The following EPHB1 variants were observed in gnomAD, a reference collection of about 807,000 sequenced individuals.
EPHB1 encodes EPH receptor B1.
A neutral mutation model predicts 94.4 loss-of-function variants in EPHB1; 30 were observed. That is an observed-to-expected ratio of 0.32 (90% confidence interval 0.24 to 0.43). The LOEUF (loss-of-function observed/expected upper bound fraction) is 0.43, where lower values mean the gene tolerates loss of function less well. Ranked by LOEUF, EPHB1 falls within the 20% of genes least tolerant of loss-of-function variation. The probability of loss-of-function intolerance (pLI) is 1.00; values close to 1 mark genes in which losing one functional copy is unlikely to be tolerated. For synonymous variants in EPHB1, 522 were observed against 489.1 expected (o/e 1.07, Z -0.89); for missense variants, 1,055 against 1,308.3 (o/e 0.81, Z 2.99).
At chr3:134,804,048 C>A (rs949447024) in intron 1 of EPHB1, among the ~76,000 whole-genome samples, 2 of 143,772 alleles carry the variant, frequency 1.4e-5, no homozygotes, top group Non-Finnish European at 3.0e-5. Context: ...CGAGTCAGAC[C>A]CCCACTGTGG....
intron 3 of EPHB1, among the ~76,000 whole-genome samples, chr3:135,011,831 C>G (rs950053758): frequency 3.3e-5 from 5 of 152,208 alleles, no homozygotes; most frequent in Non-Finnish European, 7.3e-5. Flanking sequence ...GCATTTTCTA[C>G]TAGGTGGTTT....
At chr3:135,014,631 C>G (rs1935732130) in intron 3 of EPHB1, among the ~76,000 whole-genome samples, 1 of 152,188 alleles carries the variant, frequency 6.6e-6, no homozygotes, top group Admixed American at 6.5e-5. Flanking sequence ...AACATGTGTC[C>G]TTGTGGGGCT....
chr3:134,864,704 A>G lies in EPHB1; in HGVS notation c.59-61112A>G, dbSNP rs1220671305. Among the ~76,000 whole-genome samples the G allele has an allele frequency of 2.0e-5, 3 of 152,240 alleles. No individual in the cohort carries two copies. The East Asian group carries it at 5.8e-4, about 29-fold the overall frequency. On this transcript the variant is annotated intron_variant, in intron 1 of 15. Transcript: ENST00000398015. The stretch of plus-strand genomic sequence containing the variant: ...CCATAAGAACCAAAATATTGCGGCA[A>G]GTGGGAGACAATCTCATCATGGCTG...
At chr3:134,976,767 C>T (rs1018457298) in intron 3 of EPHB1, among the ~76,000 whole-genome samples, 4 of 152,142 alleles carry the variant, frequency 2.6e-5, no homozygotes, top group Admixed American at 2.6e-4. Flanking sequence ...TGTCCTTCAA[C>T]ACCTGCAGGA....
At chr3:135,217,470 A>G (rs948901502) in intron 12 of EPHB1, among the ~76,000 whole-genome samples, 1 of 149,594 alleles carries the variant, frequency 6.7e-6, no homozygotes, top group Admixed American at 6.6e-5. Context: ...ACACACACGC[A>G]CACGGGGAGA....
intron 2 of EPHB1, among the ~76,000 whole-genome samples, chr3:134,941,778 C>CAT (rs1315813108): frequency 6.6e-6 from 1 of 151,656 alleles, no homozygotes; most frequent in Non-Finnish European, 1.5e-5. Context: ...CACACACACA[C>CAT]ACACACACAC....
At chr3:135,050,912 TTGTGTGTGTGTGTGTG>T (rs61632320) in intron 3 of EPHB1, among the ~76,000 whole-genome samples, 4 of 147,942 alleles carry the variant, frequency 2.7e-5, no homozygotes, top group African/African-American at 7.5e-5. Flanking sequence ...TAAACACCCT[TTGTGTGTGTGTGTGTG>T]TGTGTGTGTG....
At chr3:134,943,209 T>C (rs2039154259) in intron 2 of EPHB1, among the ~76,000 whole-genome samples, 1 of 152,194 alleles carries the variant, frequency 6.6e-6, no homozygotes, top group East Asian at 1.9e-4. Context: ...CCAAGCCACA[T>C]CTGCCTTTCT....
intron 9 of EPHB1, among the ~76,000 whole-genome samples, chr3:135,172,509 C>G (rs1236751730): frequency 6.6e-6 from 1 of 152,064 alleles, no homozygotes; most frequent in Non-Finnish European, 1.5e-5. Context: ...AAAATTACAC[C>G]CAGAAGCATG....
intron 3 of EPHB1, among the ~76,000 whole-genome samples, chr3:135,090,601 C>T (rs1938519685): frequency 6.6e-6 from 1 of 152,216 alleles, no homozygotes; most frequent in Non-Finnish European, 1.5e-5. Flanking sequence ...AACATTGTGG[C>T]AGAGCCAGTT....
At chr3:135,208,946 C>CT (rs1205699921) in intron 12 of EPHB1, among the ~76,000 whole-genome samples, 5 of 152,064 alleles carry the variant, frequency 3.3e-5, no homozygotes, top group East Asian at 1.9e-4. Context: ...ACCAACACAT[C>CT]TTTTTTTTGT....
chr3:135,237,643 G>A (rs1166298457), intron 12 of EPHB1, among the ~76,000 whole-genome samples: 1 of 152,148 alleles, frequency 6.6e-6, no homozygotes, highest in Non-Finnish European at 1.5e-5. Flanking sequence ...ACCCCTGCCA[G>A]GGACAGTGCT....
chr3:135,241,053 G>C (rs1255637318), intron 12 of EPHB1, 95 bp from the exon 13 acceptor site: 26 of 1,410,290 alleles, frequency 1.8e-5, no homozygotes, highest in Non-Finnish European at 2.5e-5. Flanking sequence ...ATATGGGAGT[G>C]AGAGTTTGGA....
chr3:134,877,479 A>G (rs1041221232), intron 1 of EPHB1, among the ~76,000 whole-genome samples: 1 of 152,064 alleles, frequency 6.6e-6, no homozygotes, highest in Non-Finnish European at 1.5e-5. Context: ...AGGCCTCCAT[A>G]TTCAACCAGT....
At chr3:135,236,393 A>G (rs979751902) in intron 12 of EPHB1, among the ~76,000 whole-genome samples, 3 of 152,056 alleles carry the variant, frequency 2.0e-5, no homozygotes, top group Admixed American at 2.0e-4. Context: ...TAACTTGATT[A>G]TATTTGCAAA....
intron 3 of EPHB1, among the ~76,000 whole-genome samples, chr3:135,021,610 G>A (rs36054): frequency 0.35 from 52,274 of 151,492 alleles, 9,583 homozygotes; most frequent in East Asian, 0.71. Flanking sequence ...TGTCCAAAGC[G>A]ATGATTATTT....
chr3:135,065,970 T>C (rs1385149519), intron 3 of EPHB1, among the ~76,000 whole-genome samples: 1 of 152,250 alleles, frequency 6.6e-6, no homozygotes, highest in Non-Finnish European at 1.5e-5. Context: ...TTAGTTTTAC[T>C]GGATACAAAA....
intron 11 of EPHB1, 46 bp downstream of exon 11, chr3:135,192,869 A>T (rs1295001246): frequency 1.3e-6 from 2 of 1,597,056 alleles, no homozygotes; most frequent in Non-Finnish European, 1.7e-6. Context: ...ATGCAGGTGA[A>T]TGATGGCTGG....
intron 12 of EPHB1, among the ~76,000 whole-genome samples, chr3:135,205,499 C>A (rs542138507): frequency 5.8e-4 from 88 of 152,248 alleles, no homozygotes; most frequent in Admixed American, 1.4e-3. Flanking sequence ...AAGTTATGTT[C>A]ACTCCAAGGC....
Sources: gnomAD v4.1 joint callset for allele counts (sites outside exome capture counted in the v4.1 genomes callset) on GRCh38, gnomAD v4.1.1 for gene constraint, MANE v1.5 for transcripts, NCBI Gene and HGNC (gene_info 2026-07-23, HGNC 2026-07-21) for gene names.